MTA3: variants seen among roughly 807,000 people sequenced by gnomAD.
MTA3 encodes metastasis-associated protein MTA3.
Under a neutral mutation model 83.5 loss-of-function variants are expected in MTA3, and 34 were observed. The ratio of observed to expected loss-of-function variants is 0.41; its 90% CI spans 0.31 to 0.54. MTA3 has a LOEUF of 0.54. Ranked by LOEUF, MTA3 falls within the 20% of genes least tolerant of loss-of-function variation. MTA3 has a pLI of 0.33. For missense variants in MTA3, 761 were observed against 726.4 expected, an observed-to-expected ratio of 1.05 and a Z score of -0.55; for synonymous variants, 303 against 252.7, an observed-to-expected ratio of 1.20 and a Z score of -1.89.
At chr2:42,675,975 T>TGA in intron 8 of MTA3, among the ~76,000 whole-genome samples, 1 of 152,352 alleles carries the variant, frequency 6.6e-6, no homozygotes, top group South Asian at 2.1e-4. Context: ...AAGGAATTAT[T>TGA]TCCTAGTAAC....
intron 2 of MTA3, among the ~76,000 whole-genome samples, chr2:42,549,574 T>TAATATATAATATATTATATACATATA (rs1677003482): frequency 8.5e-6 from 1 of 117,626 alleles, no homozygotes; most frequent in African/African-American, 3.6e-5. Flanking sequence ...TATACATATA[T>TAATATATAATATATTATATACATATA]AATATATAAT....
chr2:42,591,636 T>A (rs1365651712), intron 3 of MTA3, among the ~76,000 whole-genome samples: 1 of 151,082 alleles, frequency 6.6e-6, no homozygotes, highest in African/African-American at 2.4e-5. Flanking sequence ...TTTTTTTCTT[T>A]TTATTTTATT....
chr2:42,504,692 T>C (rs964862198), intron 2 of MTA3, among the ~76,000 whole-genome samples: 3 of 151,588 alleles, frequency 2.0e-5, no homozygotes, highest in Non-Finnish European at 4.4e-5. Context: ...AGATGTGGTC[T>C]CCCTGTGTTG....
chr2:42,681,710 A>G (rs574649213), intron 8 of MTA3, among the ~76,000 whole-genome samples: 4 of 151,430 alleles, frequency 2.6e-5, no homozygotes, highest in South Asian at 4.2e-4. Flanking sequence ...AGGTCTCACT[A>G]TGTTGCCCAC....
intron 4 of MTA3, among the ~76,000 whole-genome samples, chr2:42,633,236 A>G (rs1305043704): frequency 6.6e-6 from 1 of 151,552 alleles, no homozygotes; most frequent in Non-Finnish European, 1.5e-5. Flanking sequence ...CCGAGATCGC[A>G]CCACTGTATT....
chr2:42,740,427 A>T (rs1668941956), intron 16 of MTA3, among the ~76,000 whole-genome samples: 1 of 152,160 alleles, frequency 6.6e-6, no homozygotes, highest in African/African-American at 2.4e-5. Flanking sequence ...TGGGAAGATC[A>T]CTTGAGCCCA....
intron 6 of MTA3, among the ~76,000 whole-genome samples, chr2:42,645,872 T>C (rs1013058072): frequency 4.6e-5 from 7 of 152,370 alleles, no homozygotes; most frequent in African/African-American, 1.4e-4. Flanking sequence ...TGAAGGCTGC[T>C]ACTCTGAACA....
At chr2:42,624,021 C>G (rs552094366) in intron 4 of MTA3, among the ~76,000 whole-genome samples, 1 of 151,900 alleles carries the variant, frequency 6.6e-6, no homozygotes, top group South Asian at 2.1e-4. Flanking sequence ...TCTGGTAGTT[C>G]AGATTTAAAG....
At chr2:42,660,175 G>A (rs541295561) in intron 8 of MTA3, among the ~76,000 whole-genome samples, 3 of 151,162 alleles carry the variant, frequency 2.0e-5, no homozygotes, top group African/African-American at 2.4e-5. Context: ...TGCAACCTCC[G>A]CCTCCTGGGT....
chr2:42,581,730 A>G (rs1279833400), intron 3 of MTA3: 6 of 278,968 alleles, frequency 2.2e-5, no homozygotes, highest in Non-Finnish European at 4.2e-5. Flanking sequence ...AATCCAAAGT[A>G]TATGAACATA....
chr2:42,692,602 T>C (rs1693003739), intron 9 of MTA3, among the ~76,000 whole-genome samples: 1 of 152,146 alleles, frequency 6.6e-6, no homozygotes, highest in African/African-American at 2.4e-5. Context: ...TTTTTTAGTA[T>C]TTTTAGTAGA....
chr2:42,741,567 A>C (rs1669028210), intron 16 of MTA3, among the ~76,000 whole-genome samples: 1 of 151,792 alleles, frequency 6.6e-6, no homozygotes, highest in African/African-American at 2.4e-5. Flanking sequence ...AATTGGCCTA[A>C]TTTTGATATT....
chr2:42,502,709 A>C (rs1674449004), intron 2 of MTA3, among the ~76,000 whole-genome samples: 1 of 151,180 alleles, frequency 6.6e-6, no homozygotes, highest in Non-Finnish European at 1.5e-5. Flanking sequence ...AGGCAGGAGA[A>C]TCACTTGAAC....
chr2:42,554,657 A>G (rs1572974430), intron 2 of MTA3, among the ~76,000 whole-genome samples: 2 of 152,154 alleles, frequency 1.3e-5, no homozygotes, highest in African/African-American at 4.8e-5. Flanking sequence ...TTCTTTCTAC[A>G]TGAAAATCTC....
chr2:42,585,828 C>T (rs952354891), intron 3 of MTA3, among the ~76,000 whole-genome samples: 5 of 151,892 alleles, frequency 3.3e-5, no homozygotes, highest in African/African-American at 1.2e-4. Flanking sequence ...GTTTTACCTA[C>T]AAAGGAGGGT....
intron 2 of MTA3, among the ~76,000 whole-genome samples, chr2:42,538,232 C>T (rs552675069): frequency 7.9e-5 from 12 of 151,308 alleles, no homozygotes; most frequent in East Asian, 1.9e-4. Flanking sequence ...GACTCTGTCT[C>T]GAAAAATAAA....
At chr2:42,670,399 T>G (rs1451808107) in intron 8 of MTA3, among the ~76,000 whole-genome samples, 3 of 152,208 alleles carry the variant, frequency 2.0e-5, no homozygotes, top group Non-Finnish European at 4.4e-5. Flanking sequence ...TATTGTCAAA[T>G]GACACAAATT....
At chr2:42,574,275 T>C (rs908972920) in intron 2 of MTA3, among the ~76,000 whole-genome samples, 35 of 151,462 alleles carry the variant, frequency 2.3e-4, no homozygotes, top group African/African-American at 8.0e-4. Flanking sequence ...GCTGGGATTA[T>C]AGGCATGCAC....
intron 4 of MTA3, among the ~76,000 whole-genome samples, chr2:42,623,478 A>C (rs1685773020): frequency 6.6e-6 from 1 of 152,154 alleles, no homozygotes; most frequent in Admixed American, 6.6e-5. Flanking sequence ...AGTCCTCTAG[A>C]GGCAGTGCTC....
Sources: allele counts gnomAD v4.1 joint callset (sites outside exome capture counted in the v4.1 genomes callset), GRCh38; gene constraint gnomAD v4.1.1; transcripts MANE v1.5; gene names NCBI Gene and HGNC (gene_info 2026-07-23, HGNC 2026-07-21).